Variants in SLFN12L observed in about 807,000 individuals in gnomAD.
SLFN12L encodes schlafen family member 12-like.
Under a neutral mutation model 34.8 loss-of-function variants are expected in SLFN12L, and 34 were observed. The ratio of observed to expected loss-of-function variants is 0.98; its 90% confidence interval spans 0.74 to 1.30. The LOEUF (loss-of-function observed/expected upper bound fraction) is 1.30, where lower values mean the gene tolerates loss of function less well. Among genes scored for constraint, SLFN12L ranks in the 50% most tolerant of loss-of-function variants. The probability of loss-of-function intolerance (pLI) is 0.00; values close to 1 mark genes in which losing one functional copy is unlikely to be tolerated. For synonymous variants in SLFN12L, 259 were observed against 247.5 expected (o/e 1.05, Z -0.44); for missense variants, 703 against 696.2 (o/e 1.01, Z -0.11).
chr17:35,505,565 C>T (rs943256396), intron 2 of SLFN12L, among the ~76,000 whole-genome samples: 1 of 152,188 alleles, frequency 6.6e-6, no homozygotes, highest in Non-Finnish European at 1.5e-5. Flanking sequence ...CCCGCATAAC[C>T]ATTGAGTTTT....
At position 35,475,163 on chromosome 17, in the gene SLFN12L, T is replaced by C; in HGVS notation, c.1599A>G (p.Lys533=). 1 of 1,614,134 alleles carries C rather than the reference T, an allele frequency of 6.2e-7. No homozygotes were observed. Among genetic ancestry groups the C allele is most frequent in the South Asian group, 1.1e-5 (1 of 91,076 alleles). ...AGAAGATCTTTGTCATGACACACAC[T>C]TTTTTAGTGTAACCACCAATTTTTG... is the stretch of plus-strand genomic sequence containing the variant. ...KLAKIGGYTK[K]VCVMTKIFYL... Residue 533 remains lysine (K), a synonymous_variant, in exon 5 of 5, where the codon AAA becomes AAG. Transcript: ENST00000628453.
chr17:35,534,102 C>A (rs1358698506), intron 1 of SLFN12L, among the ~76,000 whole-genome samples: 27 of 151,598 alleles, frequency 1.8e-4, no homozygotes, highest in Non-Finnish European at 2.9e-5. Context: ...GTGTCTCATG[C>A]CTGTGATCCC....
Position 35,479,953 on chromosome 17 carries a change from T to C in SLFN12L, c.329A>G (p.Tyr110Cys), listed in dbSNP as rs1241720219. The stretch of plus-strand genomic sequence containing the variant: ...CCCTATTCCATCTTTTTTATAACTA[T>C]AGCCTTTATTCTCAACTTCAGCCTT... ...VIKAEVENKG[Y>C]SYKKDGIGLD... is the part of the protein sequence containing the mutation. Residue 110 changes from tyrosine (Y) to cysteine (C), a missense_variant, in exon 3 of 5, where the codon TAT becomes TGT. Transcript: ENST00000628453. The C allele has an allele frequency of 1.2e-6, 2 of 1,614,208 alleles. No homozygotes were observed. The highest frequency in any genetic ancestry group is 1.3e-5 in the African/African-American group (1 of 75,066).
intron 1 of SLFN12L, among the ~76,000 whole-genome samples, chr17:35,531,442 T>A (rs2072410109): frequency 6.6e-6 from 1 of 152,216 alleles, no homozygotes; most frequent in Non-Finnish European, 1.5e-5. Context: ...CTGTATTTTA[T>A]GACCATTAAA....
intron 1 of SLFN12L, among the ~76,000 whole-genome samples, chr17:35,525,227 G>A (rs552530874): frequency 1.4e-3 from 213 of 152,184 alleles, no homozygotes; most frequent in Admixed American, 3.3e-3. Context: ...CCACATCTAC[G>A]TTTGATTGGT....
Position 35,475,039 on chromosome 17 carries a change from C to A in SLFN12L, c.1723G>T (p.Asp575Tyr), listed in dbSNP as rs776214361. The A allele has an allele frequency of 2.5e-5, 41 of 1,609,588 alleles. No individual in the cohort carries two copies. Among genetic ancestry groups the A allele is most frequent in the Non-Finnish European group, 3.3e-5 (39 of 1,177,476 alleles). ...ATATTTGAAAGGGCCTTTTCCAAGTCTTTCATTGTTTGAGCTGTTGTCCAA... is the reference window on the plus strand; with the variant it reads ...ATATTTGAAAGGGCCTTTTCCAAGTATTTCATTGTTTGAGCTGTTGTCCAA... ...YYWTTAQTMK[D>Y]LEKALSNILP... The change falls in exon 5 of 5, where the codon GAC (aspartate) becomes TAC (tyrosine). Residue 575 changes from aspartate (D) to tyrosine (Y), a missense_variant. Physicochemically the swap from Asp to Tyr is radical, Grantham distance 160. Transcript: ENST00000628453.
Position 35,522,685 on chromosome 17 carries a change from C to A in SLFN12L, c.-321G>T, listed in dbSNP as rs1332188583. The A allele has an allele frequency of 1.9e-6, 3 of 1,614,006 alleles. No homozygotes were observed. In the African/African-American group the frequency reaches 4.0e-5, roughly 22 times the overall value. ...GACCTTGGCCCTGACACACACCTCC[C>A]CAGTGTAGCCCCCCATGTTCACCAG... On this transcript the variant is annotated 5_prime_UTR_variant, in exon 2 of 5. Transcript: ENST00000628453.
At chr17:35,515,213 A>T in intron 2 of SLFN12L, 1 of 566,270 alleles carries the variant, frequency 1.8e-6, no homozygotes, top group South Asian at 1.5e-5. Context: ...CTGAGTGTGG[A>T]CTGCGGCGGT....
Position 35,522,489 on chromosome 17 carries a change from T to G in SLFN12L, c.-125A>C, listed in dbSNP as rs896859228. On this transcript the variant is annotated 5_prime_UTR_variant, in exon 2 of 5. It removes an upstream start codon present in the reference 5' UTR. Coordinates refer to ENST00000628453, the MANE Select transcript of SLFN12L (RefSeq NM_001363830.2). ...GGCTGTGAGCAGATTTAAAACCTCA[T>G]AGCTGCACAGGTCACTCAAGAGAGA... The G allele has an allele frequency of 6.2e-7, 1 of 1,613,290 alleles. No individual in the cohort carries two copies. The highest frequency in any genetic ancestry group is 8.5e-7 in the Non-Finnish European group (1 of 1,179,634).
intron 1 of SLFN12L, among the ~76,000 whole-genome samples, chr17:35,524,424 A>G (rs755734194): frequency 6.6e-6 from 1 of 152,218 alleles, no homozygotes; most frequent in Non-Finnish European, 1.5e-5. Context: ...GTGTATCCCA[A>G]TTGGGAGACA....
intron 2 of SLFN12L, among the ~76,000 whole-genome samples, chr17:35,507,932 T>C (rs756753875): frequency 1.1e-4 from 17 of 152,334 alleles, no homozygotes; most frequent in Non-Finnish European, 2.4e-4. Context: ...ACCCCTCATA[T>C]TGTCTTATGC....
At position 35,484,313 on chromosome 17, in the gene SLFN12L, G is replaced by A. The variant is rs185307114; in HGVS notation, c.87-4118C>T. Reference sequence around the variant, plus strand: ...ATCTAGGGAAATATTTAGAAACAAAGCAGTGAAGTGGCCAGAGCAGTTGTT... The same window carrying A: ...ATCTAGGGAAATATTTAGAAACAAAACAGTGAAGTGGCCAGAGCAGTTGTT... On this transcript the variant is annotated intron_variant, in intron 2 of 4. Transcript: ENST00000628453. Among the ~76,000 whole-genome samples, 629 of 152,290 alleles carry A rather than the reference G, an allele frequency of 4.1e-3. 1 individual carries two copies. Among genetic ancestry groups the A allele is most frequent in the Non-Finnish European group, 7.0e-3 (474 of 68,020 alleles).
intron 1 of SLFN12L, among the ~76,000 whole-genome samples, chr17:35,532,372 G>A (rs2072419709): frequency 6.6e-6 from 1 of 151,354 alleles, no homozygotes; most frequent in Admixed American, 6.6e-5. Context: ...CCTGGGAGTT[G>A]GAGGTTGCAG....
intron 1 of SLFN12L, 62 bp downstream of exon 1, chr17:35,537,511 G>C (rs1350121072): frequency 3.3e-5 from 5 of 152,246 alleles, no homozygotes; most frequent in Non-Finnish European, 7.3e-5. Context: ...AGGTCTCTTT[G>C]AGAGACTCTC....
At chr17:35,520,187 C>A (rs555891370) in intron 2 of SLFN12L, among the ~76,000 whole-genome samples, 204 of 152,288 alleles carry the variant, frequency 1.3e-3, no homozygotes, top group African/African-American at 4.7e-3. Flanking sequence ...AATATTAAAA[C>A]AACTGCAGCG....
At chr17:35,510,748 A>T (rs182408195) in intron 2 of SLFN12L, among the ~76,000 whole-genome samples, 91 of 152,220 alleles carry the variant, frequency 6.0e-4, no homozygotes, top group Middle Eastern at 3.4e-3. Flanking sequence ...TCTCAGTTTT[A>T]AAAAAAGGAA....
At chr17:35,476,019 C>T (rs951870364) in intron 4 of SLFN12L, among the ~76,000 whole-genome samples, 2 of 151,658 alleles carry the variant, frequency 1.3e-5, no homozygotes, top group Non-Finnish European at 2.9e-5. Flanking sequence ...TAAAGGGCTA[C>T]AATCTTTAAT....
At chr17:35,485,587 G>A (rs1483471804) in intron 2 of SLFN12L, among the ~76,000 whole-genome samples, 3 of 152,068 alleles carry the variant, frequency 2.0e-5, no homozygotes, top group Non-Finnish European at 2.9e-5. Context: ...TAATTTATTT[G>A]CCCAGGGCAA....
rs1420145273 is a variant in SLFN12L, at chr17:35,465,677, A to G, written c.*9246T>C. Among the ~76,000 whole-genome samples, 1 of 151,036 alleles carries G rather than the reference A, an allele frequency of 6.6e-6. No homozygotes were observed. The highest frequency in any genetic ancestry group is 2.4e-5 in the African/African-American group (1 of 40,942). The stretch of plus-strand genomic sequence containing the variant: ...CAGTGTTGCCTGTTCTTAAACCTGG[A>G]AAATAATAAGCAGCAGGCACCTCAC... On this transcript the variant is annotated 3_prime_UTR_variant, in exon 5 of 5. Transcript: ENST00000628453.
Sources: allele counts gnomAD v4.1 joint callset (sites outside exome capture counted in the v4.1 genomes callset), GRCh38; gene constraint gnomAD v4.1.1; transcripts MANE v1.5; gene names NCBI Gene and HGNC (gene_info 2026-07-23, HGNC 2026-07-21).